Variants in CAMSAP1 observed in about 807,000 individuals in gnomAD.
The protein encoded by CAMSAP1 is calmodulin-regulated spectrin-associated protein 1.
In CAMSAP1, 58 loss-of-function variants were observed where a neutral mutation model predicts 143.5. The observed-to-expected ratio is 0.40, with a 90% CI of 0.33 to 0.50. The LOEUF is 0.50. Among genes scored for constraint, CAMSAP1 ranks in the 20% least tolerant of loss-of-function variants. The pLI is 0.45. For synonymous variants in CAMSAP1, 945 were observed against 859.3 expected (o/e 1.10, Z -1.74); for missense variants, 1,969 against 2,115.7 (o/e 0.93, Z 1.36).
In CAMSAP1 at chr9:135,817,998, G is replaced by C; in HGVS notation, c.4250C>G (p.Ser1417Cys). 1 of 1,613,928 alleles carries C rather than the reference G, an allele frequency of 6.2e-7. No homozygotes were observed. Residue 1417 changes from serine to cysteine, a missense_variant, in exon 14 of 17, where the codon TCC (serine) becomes TGC (cysteine). Physicochemically the swap from Ser to Cys is moderately radical, Grantham distance 112 (BLOSUM62 -1). Transcript: ENST00000389532. ...TTACCGCTGAGAGGGTGTGCCCCCG[G>C]AATGAACGCTCTCGGGTTCTGTCGT... Reference protein sequence around the residue: ...AATTEPESVHSGGTPSQRVES... With the variant: ...AATTEPESVHCGGTPSQRVES...
chr9:135,836,619 T>C (rs1836054192), intron 7 of CAMSAP1: 1 of 984,116 alleles, frequency 1.0e-6, no homozygotes, highest in Non-Finnish European at 1.2e-6. Context: ...CCACGTACCT[T>C]CTACCCTGTT....
intron 7 of CAMSAP1, among the ~76,000 whole-genome samples, chr9:135,832,493 C>G (rs1835889276): frequency 6.6e-6 from 1 of 152,162 alleles, no homozygotes; most frequent in African/African-American, 2.4e-5. Context: ...AGCTTTTCCT[C>G]TAAGATCTGG....
chr9:135,883,101 A>T, intron 1 of CAMSAP1, 23 bp from the exon 2 acceptor site: 2 of 1,550,588 alleles, frequency 1.3e-6, no homozygotes, highest in South Asian at 2.4e-5. Context: ...GGGGATGACC[A>T]GGTGAGTGCC....
intron 1 of CAMSAP1, among the ~76,000 whole-genome samples, chr9:135,906,106 C>G (rs1838769065): frequency 1.3e-5 from 2 of 152,190 alleles, no homozygotes; most frequent in South Asian, 2.1e-4. Flanking sequence ...ATGACTAACT[C>G]GAGTCTAGCT....
At chr9:135,858,559 A>C (rs571905309) in intron 5 of CAMSAP1, among the ~76,000 whole-genome samples, 16 of 152,354 alleles carry the variant, frequency 1.1e-4, no homozygotes, top group African/African-American at 3.6e-4. Context: ...ATTTTAGAAT[A>C]ACTGTGCATT....
At chr9:135,862,942 C>A (rs1188935768) in intron 4 of CAMSAP1, among the ~76,000 whole-genome samples, 1 of 152,176 alleles carries the variant, frequency 6.6e-6, no homozygotes, top group Non-Finnish European at 1.5e-5. Flanking sequence ...CACACACCTA[C>A]ACTACCGAAA....
intron 1 of CAMSAP1, among the ~76,000 whole-genome samples, chr9:135,906,051 G>A (rs371090027): frequency 3.9e-5 from 6 of 152,230 alleles, no homozygotes; most frequent in Admixed American, 3.9e-4. Flanking sequence ...TTTGAAATAA[G>A]GCGAGTTATT....
At chr9:135,849,856 AT>A (rs562095318) in intron 7 of CAMSAP1, 10,165 of 245,844 alleles carry the variant, frequency 0.041, 1 homozygote, top group East Asian at 0.077. Flanking sequence ...TGTAGTAAAC[AT>A]TTTTTTTTTT....
intron 3 of CAMSAP1, among the ~76,000 whole-genome samples, chr9:135,874,830 G>GT (rs1207568866): frequency 6.6e-6 from 1 of 152,014 alleles, no homozygotes; most frequent in East Asian, 1.9e-4. Context: ...AAAATATAAA[G>GT]TTAATATACA....
intron 1 of CAMSAP1, among the ~76,000 whole-genome samples, chr9:135,905,130 A>G (rs1838737347): frequency 6.6e-6 from 1 of 152,240 alleles, no homozygotes; most frequent in African/African-American, 2.4e-5. Context: ...CCACCTTTTA[A>G]TAATTCCAGA....
intron 5 of CAMSAP1, among the ~76,000 whole-genome samples, chr9:135,861,619 A>C (rs977795672): frequency 6.6e-6 from 1 of 152,206 alleles, no homozygotes; most frequent in African/African-American, 2.4e-5. Flanking sequence ...CTTTAAGTGC[A>C]GCTATATATT....
rs576701229 is a variant in CAMSAP1, at chr9:135,892,624, G to A, written c.161-9546C>T. ...TCCCAGCACTTTGGGAGGCCAAGGC[G>A]GGTGGATCACGAGGTCAGGAGTTGG... On this transcript the variant is annotated intron_variant, in intron 1 of 16. Coordinates refer to ENST00000389532, the MANE Select transcript of CAMSAP1 (RefSeq NM_015447.4). Among the ~76,000 whole-genome samples, 6 of 151,288 alleles carry A rather than the reference G, an allele frequency of 4.0e-5. No homozygotes were observed. In the East Asian group the frequency reaches 9.7e-4, roughly 24 times the overall value.
In CAMSAP1 at chr9:135,882,295, G is replaced by A. The variant is rs1055577654; in HGVS notation, c.424-501C>T. ...TCTCTTCAACCACCGCACGGCACCCGCAGTCTCACCGGGAACGCCATGGGA... is the reference window on the plus strand; with the variant it reads ...TCTCTTCAACCACCGCACGGCACCCACAGTCTCACCGGGAACGCCATGGGA... On this transcript the variant is annotated intron_variant, in intron 2 of 16. Coordinates refer to ENST00000389532, the MANE Select transcript of CAMSAP1 (RefSeq NM_015447.4). This position sits in a 1 kb window ranked among gnomAD's most constrained non-coding sequence, Gnocchi z 4.9. 3.9e-5 allele frequency among the ~76,000 whole-genome samples: 6 copies of A among 152,092 alleles called. No individual in the cohort carries two copies. The highest frequency in any genetic ancestry group is 6.5e-5 in the Admixed American group (1 of 15,270).
chr9:135,813,281 G>A (rs1030502521), intron 16 of CAMSAP1, among the ~76,000 whole-genome samples: 1 of 152,208 alleles, frequency 6.6e-6, no homozygotes, highest in Non-Finnish European at 1.5e-5. Context: ...CGGAGGGCCC[G>A]AGCGGCTGAG....
intron 7 of CAMSAP1, among the ~76,000 whole-genome samples, chr9:135,838,801 C>CA (rs1836230764): frequency 1.3e-5 from 2 of 151,440 alleles, no homozygotes; most frequent in African/African-American, 4.9e-5. Context: ...GACATGTCAT[C>CA]ACGCACTTTC....
intron 7 of CAMSAP1, among the ~76,000 whole-genome samples, chr9:135,829,399 C>T (rs564153288): frequency 2.3e-4 from 35 of 151,934 alleles, no homozygotes; most frequent in Non-Finnish European, 4.4e-4. Flanking sequence ...AGCCTGTAGT[C>T]CCAGCTACTT....
chr9:135,901,135 G>A (rs1483325123), intron 1 of CAMSAP1, among the ~76,000 whole-genome samples: 1 of 152,190 alleles, frequency 6.6e-6, no homozygotes, highest in African/African-American at 2.4e-5. Context: ...TTCCTGTCAA[G>A]GGCACCATCG....
At chr9:135,859,876 A>G (rs917482062) in intron 5 of CAMSAP1, among the ~76,000 whole-genome samples, 1 of 151,910 alleles carries the variant, frequency 6.6e-6, no homozygotes, top group African/African-American at 2.4e-5. Flanking sequence ...ACAATGAAGG[A>G]AAAGTCAAAT....
At chr9:135,847,147 A>G (rs1241391372) in intron 7 of CAMSAP1, among the ~76,000 whole-genome samples, 1 of 151,932 alleles carries the variant, frequency 6.6e-6, no homozygotes. Context: ...AGAGATCGAG[A>G]CCATCCTGGC....
Sources: allele counts gnomAD v4.1 joint callset (sites outside exome capture counted in the v4.1 genomes callset), GRCh38; gene constraint gnomAD v4.1.1; non-coding constraint Gnocchi (gnomAD v3.1); transcripts MANE v1.5; gene names NCBI Gene and HGNC (gene_info 2026-07-23, HGNC 2026-07-21).